CLVS1: variants seen among roughly 807,000 people sequenced by gnomAD.
CLVS1 encodes the protein clavesin-1.
A neutral mutation model predicts 33.1 loss-of-function variants in CLVS1; 10 were observed. The ratio of observed to expected loss-of-function variants is 0.30; its 90% CI spans 0.19 to 0.51. The LOEUF (loss-of-function observed/expected upper bound fraction) is 0.51, where lower values mean the gene tolerates loss of function less well. Ranked by LOEUF, CLVS1 falls within the 20% of genes least tolerant of loss-of-function variation. The pLI, the probability that CLVS1 is intolerant of heterozygous loss-of-function variation, is 0.97. For synonymous variants in CLVS1, 163 were observed against 166.1 expected (o/e 0.98, Z 0.14); for missense variants, 343 against 433.4 (o/e 0.79, Z 1.85).
At chr8:60,986,632 T>A in the CLVS1 span, among the ~76,000 whole-genome samples, 3 of 152,270 alleles carry the variant, frequency 2.0e-5, no homozygotes, top group South Asian at 4.1e-4. Context: ...ACCTTCTGAT[T>A]TCTTTAACTA....
chr8:61,469,857 A>T (rs2129607681), intron 5 of CLVS1, among the ~76,000 whole-genome samples: 1 of 152,298 alleles, frequency 6.6e-6, no homozygotes, highest in East Asian at 1.9e-4. Context: ...CGCAGTCTCC[A>T]CTGTCCTCTA....
intron 2 of CLVS1, among the ~76,000 whole-genome samples, chr8:61,140,972 T>C (rs764763401): frequency 4.6e-5 from 7 of 152,320 alleles, no homozygotes; most frequent in Middle Eastern, 3.4e-3. Flanking sequence ...TCCTTGTTAC[T>C]AAGGGAGTGG....
chr8:61,469,496 A>G (rs1209254909), intron 5 of CLVS1, among the ~76,000 whole-genome samples: 1 of 152,198 alleles, frequency 6.6e-6, no homozygotes, highest in Non-Finnish European at 1.5e-5. Flanking sequence ...ATTTTAGGCC[A>G]TGTTTCCCCA....
chr8:61,441,406 G>A (rs754428980), intron 3 of CLVS1, among the ~76,000 whole-genome samples: 3 of 152,152 alleles, frequency 2.0e-5, no homozygotes, highest in Non-Finnish European at 4.4e-5. Context: ...AGGAATCTTA[G>A]TAGATGGAGG....
intron 2 of CLVS1, among the ~76,000 whole-genome samples, chr8:61,338,883 C>T (rs773037314): frequency 3.3e-5 from 5 of 152,166 alleles, no homozygotes; most frequent in African/African-American, 4.8e-5. Context: ...AGCTCAGGCC[C>T]AGTGGCAACG....
intron 2 of CLVS1, among the ~76,000 whole-genome samples, chr8:61,357,121 A>G (rs981317255): frequency 6.6e-6 from 1 of 151,922 alleles, no homozygotes; most frequent in Non-Finnish European, 1.5e-5. Flanking sequence ...CCTTGAAGAG[A>G]TCCTTCACAT....
chr8:60,978,113 G>A, the CLVS1 span, among the ~76,000 whole-genome samples: 1 of 152,202 alleles, frequency 6.6e-6, no homozygotes, highest in African/African-American at 2.4e-5. Flanking sequence ...AGCTGAGGGA[G>A]CTCATTACCA....
intron 2 of CLVS1, among the ~76,000 whole-genome samples, chr8:61,322,955 A>G (rs947281498): frequency 5.9e-5 from 9 of 152,074 alleles, no homozygotes; most frequent in African/African-American, 2.2e-4. Context: ...CTCTTGTGGT[A>G]CTCCGAATAA....
chr8:61,483,648 AAG>A (rs2129608295), intron 5 of CLVS1, among the ~76,000 whole-genome samples: 1 of 152,336 alleles, frequency 6.6e-6, no homozygotes, highest in African/African-American at 2.4e-5. Flanking sequence ...ACAACAAAAA[AAG>A]AGAATTTTAG....
At chr8:61,210,516 G>A (rs1456689564) in intron 2 of CLVS1, among the ~76,000 whole-genome samples, 3 of 152,230 alleles carry the variant, frequency 2.0e-5, no homozygotes, top group Non-Finnish European at 4.4e-5. Flanking sequence ...CTGTGAGAGG[G>A]CCACATGGCA....
chr8:61,476,271 G>A (rs1817926764), intron 5 of CLVS1, among the ~76,000 whole-genome samples: 1 of 152,178 alleles, frequency 6.6e-6, no homozygotes, highest in African/African-American at 2.4e-5. Flanking sequence ...GATTGACTTG[G>A]CAATGTGGGC....
intron 1 of CLVS1, among the ~76,000 whole-genome samples, chr8:61,082,662 T>C (rs931279985): frequency 2.0e-5 from 3 of 152,172 alleles, no homozygotes; most frequent in African/African-American, 7.2e-5. Flanking sequence ...TCAGAACCCA[T>C]GTATGTGAGA....
At chr8:61,158,048 C>T (rs73251975) in intron 2 of CLVS1, among the ~76,000 whole-genome samples, 1,946 of 152,168 alleles carry the variant, frequency 0.013, 42 homozygotes, top group African/African-American at 0.044. Context: ...ACACAGTAGC[C>T]CCAAACTGGA....
At chr8:61,480,502 A>C (rs181047393) in intron 5 of CLVS1, among the ~76,000 whole-genome samples, 1 of 152,234 alleles carries the variant, frequency 6.6e-6, no homozygotes, top group East Asian at 1.9e-4. Context: ...TTGACTAGGA[A>C]AGGGAATTCC....
chr8:61,343,963 A>T (rs948477841), intron 2 of CLVS1, among the ~76,000 whole-genome samples: 2 of 152,212 alleles, frequency 1.3e-5, no homozygotes, highest in South Asian at 4.1e-4. Flanking sequence ...GTTGAACATG[A>T]TATACATACA....
At chr8:61,416,357 T>C (rs536519340) in intron 3 of CLVS1, among the ~76,000 whole-genome samples, 8 of 150,334 alleles carry the variant, frequency 5.3e-5, no homozygotes, top group African/African-American at 2.0e-4. Context: ...TACATACATA[T>C]TCCCATGCCT....
intron 3 of CLVS1, among the ~76,000 whole-genome samples, chr8:61,428,089 C>A (rs567424506): frequency 1.3e-5 from 2 of 152,326 alleles, no homozygotes; most frequent in African/African-American, 4.8e-5. Context: ...AGCTCTATGA[C>A]AAAGGGATGA....
chr8:61,364,651 C>CT (rs1310043844), intron 2 of CLVS1, among the ~76,000 whole-genome samples: 1 of 152,178 alleles, frequency 6.6e-6, no homozygotes, highest in Admixed American at 6.5e-5. Flanking sequence ...TACAGATTCT[C>CT]TAAGTTCAAT....
rs140021786 is a variant in CLVS1 at position 61,180,296 on chromosome 8, G to A, written c.-152+48436G>A. Among the ~76,000 whole-genome samples, 988 of 152,218 alleles carry A rather than the reference G, an allele frequency of 6.5e-3. 32 individuals are homozygous for A. The highest frequency in any genetic ancestry group is 0.055 in the Admixed American group (833 of 15,274). Reference sequence around the variant, plus strand: ...CCTCCCAAGACTAAACTAGGAAGAAGTCAAATCCCTGAACAGACTAATAAC... The same window carrying A: ...CCTCCCAAGACTAAACTAGGAAGAAATCAAATCCCTGAACAGACTAATAAC... On this transcript the variant is annotated intron_variant, in intron 2 of 2. Coordinates refer to the CLVS1 transcript ENST00000522621.
Sources: gnomAD v4.1 joint callset for allele counts (sites outside exome capture counted in the v4.1 genomes callset) on GRCh38, gnomAD v4.1.1 for gene constraint, MANE v1.5 for transcripts, NCBI Gene and HGNC (gene_info 2026-07-23, HGNC 2026-07-21) for gene names.